CSMD2: variants seen among roughly 807,000 people sequenced by gnomAD.
The protein encoded by CSMD2 is CUB and sushi domain-containing protein 2.
A neutral mutation model predicts 398.5 loss-of-function variants in CSMD2; 130 were observed. The observed-to-expected ratio is 0.33, with a 90% CI of 0.28 to 0.38. The LOEUF (loss-of-function observed/expected upper bound fraction) is 0.38, where lower values mean the gene tolerates loss of function less well. Ranked by LOEUF, CSMD2 falls within the 10% of genes least tolerant of loss-of-function variation. CSMD2 has a pLI of 1.00. For synonymous variants in CSMD2, 1,828 were observed against 1,908.5 expected (o/e 0.96, Z 1.10); for missense variants, 3,829 against 4,764.9 (o/e 0.80, Z 5.78).
intron 4 of CSMD2, among the ~76,000 whole-genome samples, chr1:33,933,941 T>C (rs1406879277): frequency 6.6e-6 from 1 of 151,998 alleles, no homozygotes; most frequent in Non-Finnish European, 1.5e-5. Flanking sequence ...GGCTTGCCTA[T>C]TGGGAGGGAA....
intron 13 of CSMD2, among the ~76,000 whole-genome samples, chr1:33,746,505 C>G (rs1647403947): frequency 6.6e-6 from 1 of 152,154 alleles, no homozygotes. Flanking sequence ...TATTTTTTCT[C>G]TAGAACCTTT....
At chr1:33,744,038 T>A (rs1378457087) in intron 13 of CSMD2, among the ~76,000 whole-genome samples, 2 of 152,200 alleles carry the variant, frequency 1.3e-5, no homozygotes, top group East Asian at 1.9e-4. Context: ...GTGGTTAACA[T>A]CTCTCCTTTG....
chr1:33,624,439 GCACCTGTGGTTGT>G lies in CSMD2; in HGVS notation c.5625+67_5625+79del. The G allele has an allele frequency of 6.4e-7, 1 of 1,556,858 alleles. No homozygotes were observed. Among genetic ancestry groups the G allele is most frequent in the South Asian group, 1.2e-5 (1 of 84,336 alleles). On this transcript the variant is annotated intron_variant, in intron 35 of 70. Transcript: ENST00000373381. The surrounding 1 kb of genome is among the most constrained non-coding windows in gnomAD (Gnocchi z 4.7). ...CTGACTCAGGCCTTGGCACCAGCCA[GCACCTGTGGTTGT>G]CACCTGTGAGCTGTTACCTGGGAGC...
At chr1:33,898,860 GCC>G (rs1444408056) in intron 5 of CSMD2, among the ~76,000 whole-genome samples, 2 of 152,180 alleles carry the variant, frequency 1.3e-5, no homozygotes, top group Non-Finnish European at 2.9e-5. Flanking sequence ...AAGGACACTT[GCC>G]CTCATGTGAA....
intron 3 of CSMD2, among the ~76,000 whole-genome samples, chr1:33,974,408 C>A (rs545206541): frequency 6.6e-6 from 1 of 152,332 alleles, no homozygotes; most frequent in Admixed American, 6.5e-5. Context: ...AGGCATAGGG[C>A]CAAGCACTAG....
intron 9 of CSMD2, among the ~76,000 whole-genome samples, chr1:33,818,235 G>T (rs145222669): frequency 1.3e-3 from 202 of 152,294 alleles, no homozygotes; most frequent in African/African-American, 4.6e-3. Flanking sequence ...TGCACAGCTG[G>T]TGTCTGGGCT....
intron 13 of CSMD2, among the ~76,000 whole-genome samples, chr1:33,745,375 A>T (rs530563038): frequency 6.6e-6 from 1 of 152,356 alleles, no homozygotes; most frequent in African/African-American, 2.4e-5. Flanking sequence ...AGCATAAAAA[A>T]GGTAGTTCCA....
Position 33,624,549 on chromosome 1 carries a change from C to G in CSMD2, c.5595G>C (p.Lys1865Asn). 2.5e-6 allele frequency: 4 copies of G among 1,613,976 alleles called. No individual in the cohort carries two copies. Among genetic ancestry groups the G allele is most frequent in the Non-Finnish European group, 3.4e-6 (4 of 1,179,926 alleles). Residue 1865 changes from lysine to asparagine, a missense_variant, in exon 35 of 71, where the codon AAG (lysine) becomes AAC (asparagine). Physicochemically the swap from Lys to Asn is moderately conservative, Grantham distance 94. Coordinates refer to ENST00000373381, the MANE Select transcript of CSMD2 (RefSeq NM_001281956.2). The surrounding 1 kb of genome is among the most constrained non-coding windows in gnomAD (Gnocchi z 4.7). ...PYLNSLNCVW[K>N]IVVPEGAGIQ... ...TGCCAGCGCCTTCGGGGACCACGAT[C>G]TTCCACACACAGTTGAGGCTGTTGA...
intron 65 of CSMD2, 49 bp from the exon 66 acceptor site, chr1:33,525,092 A>G: frequency 6.3e-7 from 1 of 1,595,288 alleles, no homozygotes; most frequent in African/African-American, 1.3e-5. Context: ...GTGTGCTGCC[A>G]GAATTGGGGT....
At chr1:33,843,829 T>C (rs762649925) in intron 6 of CSMD2, among the ~76,000 whole-genome samples, 6 of 152,224 alleles carry the variant, frequency 3.9e-5, no homozygotes, top group Non-Finnish European at 8.8e-5. Context: ...TATGGATCCC[T>C]GTGGTCCCCT....
intron 55 of CSMD2, among the ~76,000 whole-genome samples, chr1:33,555,046 C>A (rs989972993): frequency 2.6e-5 from 4 of 152,080 alleles, no homozygotes; most frequent in African/African-American, 4.8e-5. Context: ...TGGATCTGGG[C>A]AGAGTATATT....
chr1:33,800,908 C>T (rs1655526434), intron 10 of CSMD2, among the ~76,000 whole-genome samples: 1 of 152,158 alleles, frequency 6.6e-6, no homozygotes, highest in Non-Finnish European at 1.5e-5. Flanking sequence ...CCTCTGATCG[C>T]AGGTGTCTTG....
chr1:34,164,067 C>CGCCGCT lies in CSMD2; in HGVS notation c.187+838_187+843dup, dbSNP rs899600512. The stretch of plus-strand genomic sequence containing the variant: ...CGGGAGCTGGTCCCGCCGCCCGCGC[C>CGCCGCT]GCCGCTGCCGCTGCCGCAGCCGAGG... On this transcript the variant is annotated intron_variant, in intron 1 of 70. Transcript: ENST00000373381. This position sits in a 1 kb window ranked among gnomAD's most constrained non-coding sequence, Gnocchi z 6.2. Among the ~76,000 whole-genome samples, 7 of 152,250 alleles carry CGCCGCT rather than the reference C, an allele frequency of 4.6e-5. No homozygotes were observed. Among genetic ancestry groups the CGCCGCT allele is most frequent in the East Asian group, 1.9e-4 (1 of 5,138 alleles).
intron 6 of CSMD2, among the ~76,000 whole-genome samples, chr1:33,829,176 G>A (rs1009351231): frequency 6.6e-5 from 10 of 152,100 alleles, no homozygotes; most frequent in African/African-American, 2.4e-4. Flanking sequence ...CAAGGGTTCT[G>A]CATACCAACA....
chr1:34,106,775 A>C (rs1009495547), intron 1 of CSMD2, among the ~76,000 whole-genome samples: 2 of 152,244 alleles, frequency 1.3e-5, no homozygotes, highest in African/African-American at 2.4e-5. Flanking sequence ...GGGGTGAAGC[A>C]GCAAGCCTGT....
chr1:33,977,567 C>T (rs1052777544), intron 3 of CSMD2, among the ~76,000 whole-genome samples: 16 of 152,038 alleles, frequency 1.1e-4, no homozygotes, highest in African/African-American at 3.1e-4. Context: ...CTTCCAGGGA[C>T]CCTCAGGACA....
intron 3 of CSMD2, among the ~76,000 whole-genome samples, chr1:33,972,290 G>A (rs1645800647): frequency 6.6e-6 from 1 of 152,192 alleles, no homozygotes; most frequent in Non-Finnish European, 1.5e-5. Flanking sequence ...GGTGCCATTA[G>A]AGTTCATAGT....
intron 25 of CSMD2, among the ~76,000 whole-genome samples, chr1:33,665,805 G>T (rs1644290971): frequency 6.6e-6 from 1 of 151,986 alleles, no homozygotes; most frequent in Admixed American, 6.6e-5. Flanking sequence ...ATCTAAAGTA[G>T]CCTCTTCCAC....
chr1:33,670,887 C>T (rs1005660028), intron 25 of CSMD2, among the ~76,000 whole-genome samples: 2 of 152,102 alleles, frequency 1.3e-5, no homozygotes, highest in Non-Finnish European at 2.9e-5. Context: ...GAGACCAGGC[C>T]TCCTGGGAGA....
Sources: gnomAD v4.1 joint callset for allele counts (sites outside exome capture counted in the v4.1 genomes callset) on GRCh38, gnomAD v4.1.1 for gene constraint, Gnocchi (gnomAD v3.1) non-coding constraint, MANE v1.5 for transcripts, NCBI Gene and HGNC (gene_info 2026-07-23, HGNC 2026-07-21) for gene names.